The following ITGA4 variants were observed in gnomAD, a reference collection of about 807,000 sequenced individuals.
ITGA4 encodes the protein integrin alpha-4.
Under a neutral mutation model 133.6 loss-of-function variants are expected in ITGA4, and 63 were observed. The observed-to-expected ratio is 0.47, with a 90% confidence interval of 0.38 to 0.58. The LOEUF (loss-of-function observed/expected upper bound fraction) is 0.58. ITGA4 is among the 20% of genes least tolerant of loss of function. ITGA4 has a pLI of 0.00. For synonymous variants in ITGA4, 483 were observed against 438.0 expected, an observed-to-expected ratio of 1.10 and a Z score of -1.28; for missense variants, 1,076 against 1,252.7, an observed-to-expected ratio of 0.86 and a Z score of 2.13.
Position 181,530,662 on chromosome 2 carries a change from T to A in ITGA4, c.2664+13T>A, listed in dbSNP as rs1209682661. 4.4e-6 allele frequency: 7 copies of A among 1,605,500 alleles called. No individual in the cohort carries two copies. The highest frequency in any genetic ancestry group is 6.0e-6 in the Non-Finnish European group (7 of 1,174,108). On this transcript the variant is annotated intron_variant, in intron 24 of 27. Coordinates refer to ENST00000397033, the MANE Select transcript of ITGA4 (RefSeq NM_000885.6). ...TAAGAGGCTATTGGTAAGTTTCAGTTTTTCAGGTTGTAGTTCCTGCTTTCC... is the reference window on the plus strand; with the variant it reads ...TAAGAGGCTATTGGTAAGTTTCAGTATTTCAGGTTGTAGTTCCTGCTTTCC...
intron 17 of ITGA4, among the ~76,000 whole-genome samples, chr2:181,514,781 T>G (rs1470051654): frequency 3.3e-5 from 5 of 152,136 alleles, no homozygotes; most frequent in Non-Finnish European, 7.4e-5. Flanking sequence ...CATTGACATT[T>G]ATAAGAAAAT....
At chr2:181,488,619 C>T (rs1252065579) in intron 10 of ITGA4, among the ~76,000 whole-genome samples, 1 of 151,694 alleles carries the variant, frequency 6.6e-6, no homozygotes, top group African/African-American at 2.4e-5. Context: ...AGTGCAGTGG[C>T]ATGATCTGGG....
chr2:181,511,533 A>G (rs979695656), intron 16 of ITGA4, among the ~76,000 whole-genome samples, 166 bp from the exon 17 acceptor site: 1 of 152,200 alleles, frequency 6.6e-6, no homozygotes, highest in Admixed American at 6.6e-5. Context: ...TTTGAACCCT[A>G]CTAATTCTCA....
At position 181,504,105 on chromosome 2, in the gene ITGA4, G is replaced by A. The variant is rs140668882; in HGVS notation, c.1695+5328G>A. 5.3e-3 allele frequency among the ~76,000 whole-genome samples: 803 copies of A among 152,132 alleles called. 9 individuals carry two copies. Among genetic ancestry groups the A allele is most frequent in the African/African-American group, 0.018 (757 of 41,532 alleles). ...ACATTGGGATAACAAAAGAAGCAAT[G>A]AGATTTCCTGTTTGTCTGCATTTCC... On this transcript the variant is annotated intron_variant, in intron 15 of 27. Coordinates refer to ENST00000397033, the MANE Select transcript of ITGA4 (RefSeq NM_000885.6).
intron 10 of ITGA4, among the ~76,000 whole-genome samples, chr2:181,487,726 G>C (rs968981131): frequency 2.6e-5 from 4 of 152,110 alleles, no homozygotes; most frequent in South Asian, 2.1e-4. Context: ...ACCATACCAG[G>C]TACAGAATAT....
At chr2:181,471,754 G>A (rs1407306383) in intron 2 of ITGA4, among the ~76,000 whole-genome samples, 3 of 152,040 alleles carry the variant, frequency 2.0e-5, no homozygotes, top group Admixed American at 6.6e-5. Context: ...TTCTGCTCAC[G>A]GGTGAATGAA....
At chr2:181,489,460 G>A (rs1393084293) in intron 10 of ITGA4, among the ~76,000 whole-genome samples, 1 of 152,130 alleles carries the variant, frequency 6.6e-6, no homozygotes, top group African/African-American at 2.4e-5. Flanking sequence ...TATTTCATAT[G>A]TAAAATAGAC....
At chr2:181,470,635 A>T (rs577611374) in intron 2 of ITGA4, among the ~76,000 whole-genome samples, 1 of 152,270 alleles carries the variant, frequency 6.6e-6, no homozygotes, top group East Asian at 1.9e-4. Flanking sequence ...GTTAAGGGAG[A>T]AAAGCTTTGG....
At chr2:181,471,724 G>A (rs966987274) in intron 2 of ITGA4, among the ~76,000 whole-genome samples, 1 of 152,108 alleles carries the variant, frequency 6.6e-6, no homozygotes, top group Non-Finnish European at 1.5e-5. Context: ...CCTGCCATAT[G>A]TTTTTCTATT....
chr2:181,474,896 A>C (rs1255571830), intron 2 of ITGA4, 64 bp from the exon 3 acceptor site: 7 of 1,224,088 alleles, frequency 5.7e-6, no homozygotes, highest in Non-Finnish European at 8.3e-6. Context: ...ATGAGTGCAC[A>C]GTTTTCTCTT....
chr2:181,488,720 G>C (rs926928815), intron 10 of ITGA4, among the ~76,000 whole-genome samples: 6 of 151,732 alleles, frequency 4.0e-5, no homozygotes, highest in African/African-American at 1.5e-4. Flanking sequence ...CACCACCCCA[G>C]CTAATTTTTT....
At chr2:181,464,278 A>AG (rs1411949053) in intron 2 of ITGA4, among the ~76,000 whole-genome samples, 8 of 152,298 alleles carry the variant, frequency 5.3e-5, no homozygotes, top group African/African-American at 1.9e-4. Flanking sequence ...TTAGTTCATT[A>AG]GTAACCTCGG....
intron 15 of ITGA4, among the ~76,000 whole-genome samples, chr2:181,508,409 A>G (rs1686436893): frequency 6.6e-6 from 1 of 152,090 alleles, no homozygotes; most frequent in Non-Finnish European, 1.5e-5. Flanking sequence ...AGAAAAAACA[A>G]AAACGGCTGG....
rs199901988 is a variant in ITGA4 at position 181,536,967 on chromosome 2, C to G, written c.*1440C>G. 1.3e-5 allele frequency: 6 copies of G among 452,342 alleles called. No homozygotes were observed. The highest frequency in any genetic ancestry group is 1.0e-4 in the African/African-American group (5 of 49,858). 28.0% of individuals were successfully genotyped at this position (452,342 alleles called of 1,614,324 possible). ...GAAGTCCCTGCCACTAGCCAGCCAT[C>G]CTAATTGATGAAAGTTATCTGTTCA... On this transcript the variant is annotated 3_prime_UTR_variant, in exon 28 of 28. Transcript: ENST00000397033.
intron 2 of ITGA4, chr2:181,459,508 T>C (rs555265617): frequency 6.6e-6 from 1 of 152,292 alleles, no homozygotes; most frequent in African/African-American, 2.4e-5. Context: ...TCAGATGAAT[T>C]CAGATAGAGT....
intron 15 of ITGA4, among the ~76,000 whole-genome samples, chr2:181,503,513 T>C (rs889424013): frequency 1.3e-5 from 2 of 151,754 alleles, no homozygotes; most frequent in African/African-American, 2.4e-5. Context: ...ATTACTTTGC[T>C]TAACTGGTCA....
At position 181,495,356 on chromosome 2, in the gene ITGA4, T is replaced by G; in HGVS notation, c.1340-15T>G. On this transcript the variant is annotated splice_polypyrimidine_tract_variant and intron_variant, in intron 12 of 27. Coordinates refer to ENST00000397033, the MANE Select transcript of ITGA4 (RefSeq NM_000885.6). This position sits in a 1 kb window ranked among gnomAD's most constrained non-coding sequence, Gnocchi z 4.3. ...TAATGATGATCATTAATCTGTGTTGTTTTTTATCCTCCAGATGTAGCAGTT... is the reference window on the plus strand; with the variant it reads ...TAATGATGATCATTAATCTGTGTTGGTTTTTATCCTCCAGATGTAGCAGTT... 6.2e-7 allele frequency: 1 copy of G among 1,601,394 alleles called. No individual in the cohort carries two copies. Among genetic ancestry groups the G allele is most frequent in the Non-Finnish European group, 8.6e-7 (1 of 1,168,610 alleles).
chr2:181,518,381 A>G (rs1376601890), intron 17 of ITGA4, among the ~76,000 whole-genome samples: 1 of 152,080 alleles, frequency 6.6e-6, no homozygotes, highest in Non-Finnish European at 1.5e-5. Flanking sequence ...TGGAGGAGTT[A>G]TGAGGACTGG....
intron 2 of ITGA4, among the ~76,000 whole-genome samples, chr2:181,462,277 A>G (rs1230360399): frequency 6.6e-6 from 1 of 152,164 alleles, no homozygotes; most frequent in Non-Finnish European, 1.5e-5. Context: ...TCTTACAGGA[A>G]AGACCCATCT....
Sources: allele counts gnomAD v4.1 joint callset (sites outside exome capture counted in the v4.1 genomes callset), GRCh38; gene constraint gnomAD v4.1.1; non-coding constraint Gnocchi (gnomAD v3.1); transcripts MANE v1.5; gene names NCBI Gene and HGNC (gene_info 2026-07-23, HGNC 2026-07-21).